TNFSF10: variants seen among roughly 807,000 people sequenced by gnomAD.
TNFSF10 encodes the protein tumor necrosis factor ligand superfamily member 10.
A neutral mutation model predicts 29.5 loss-of-function variants in TNFSF10; 13 were observed. The observed-to-expected ratio is 0.44, with a 90% CI of 0.29 to 0.70. The LOEUF (loss-of-function observed/expected upper bound fraction) is 0.70. TNFSF10 is among the 30% of genes least tolerant of loss of function. The pLI is 0.13. For synonymous variants in TNFSF10, 111 were observed against 112.8 expected (o/e 0.98, Z 0.10); for missense variants, 345 against 330.9 (o/e 1.04, Z -0.33).
chr3:172,507,796 CTTT>C, intron 4 of TNFSF10, among the ~76,000 whole-genome samples: 1 of 152,262 alleles, frequency 6.6e-6, no homozygotes, highest in African/African-American at 2.4e-5. Flanking sequence ...CCCAAACAAA[CTTT>C]TTATCTATTA....
intron 1 of TNFSF10, among the ~76,000 whole-genome samples, chr3:172,519,132 T>A (rs925042203): frequency 6.6e-6 from 1 of 152,234 alleles, no homozygotes; most frequent in Non-Finnish European, 1.5e-5. Flanking sequence ...AACCAGGCAA[T>A]ACTTTTCAAA....
In TNFSF10 at chr3:172,519,506, T is replaced by A. The variant is rs578002329; in HGVS notation, c.132+3747A>T. On this transcript the variant is annotated intron_variant, in intron 1 of 4. Transcript: ENST00000241261. Reference sequence around the variant, plus strand: ...TTAAGAAAGGTTAGGAAATTCTGGCTCCAAATTGGTGAACATAGCAGTATT... The same window carrying A: ...TTAAGAAAGGTTAGGAAATTCTGGCACCAAATTGGTGAACATAGCAGTATT... 7.2e-5 allele frequency among the ~76,000 whole-genome samples: 11 copies of A among 152,328 alleles called. No individual in the cohort carries two copies. The South Asian group carries it at 1.9e-3, about 26-fold the overall frequency.
intron 1 of TNFSF10, chr3:172,518,436 C>A (rs1158592606): frequency 1.6e-6 from 2 of 1,289,248 alleles, no homozygotes; most frequent in African/African-American, 3.0e-5. Flanking sequence ...GCTGCCCAGA[C>A]ATTAGTCTCT....
chr3:172,520,076 G>T (rs1436320435), intron 1 of TNFSF10, among the ~76,000 whole-genome samples: 1 of 152,192 alleles, frequency 6.6e-6, no homozygotes, highest in Non-Finnish European at 1.5e-5. Flanking sequence ...GTGGTGGGGG[G>T]AGGATCTGAC....
chr3:172,509,078 CA>C, intron 4 of TNFSF10, 138 bp downstream of exon 4: 1 of 552,020 alleles, frequency 1.8e-6, no homozygotes, highest in African/African-American at 1.9e-5. Context: ...TGAAAACAGT[CA>C]ATCTGAGATC....
At chr3:172,522,556 TTTTA>T in intron 1 of TNFSF10, 2 of 530,558 alleles carry the variant, frequency 3.8e-6, no homozygotes, top group Non-Finnish European at 6.8e-6. Flanking sequence ...AAATAGACTC[TTTTA>T]TTTATTCATG....
At chr3:172,521,485 T>C (rs751479258) in intron 1 of TNFSF10, among the ~76,000 whole-genome samples, 9 of 152,034 alleles carry the variant, frequency 5.9e-5, no homozygotes, top group Non-Finnish European at 1.2e-4. Flanking sequence ...GAAATGCAAA[T>C]CAAAACCATA....
At chr3:172,518,458 T>C in intron 1 of TNFSF10, 1 of 1,289,330 alleles carries the variant, frequency 7.8e-7, no homozygotes, top group Non-Finnish European at 1.0e-6. Flanking sequence ...GCAATCATTT[T>C]CTGCAAACTG....
chr3:172,510,675 G>T (rs998887621), intron 3 of TNFSF10, among the ~76,000 whole-genome samples: 4 of 151,728 alleles, frequency 2.6e-5, no homozygotes, highest in African/African-American at 9.7e-5. Flanking sequence ...GCATCTATCT[G>T]CTGTAGACCA....
At chr3:172,518,362 G>C (rs1222552174) in intron 1 of TNFSF10, 1 of 1,285,888 alleles carries the variant, frequency 7.8e-7, no homozygotes, top group Non-Finnish European at 1.0e-6. Flanking sequence ...TCCTTGATGG[G>C]GCTTGAGGTC....
chr3:172,517,659 T>C, intron 1 of TNFSF10: 1 of 985,430 alleles, frequency 1.0e-6, no homozygotes, highest in Non-Finnish European at 1.2e-6. Context: ...TGTGTGTGCA[T>C]AATTTTGAGT....
chr3:172,514,642 A>G (rs1361523967), intron 2 of TNFSF10, among the ~76,000 whole-genome samples: 1 of 151,978 alleles, frequency 6.6e-6, no homozygotes, highest in African/African-American at 2.4e-5. Flanking sequence ...AGAGGAATGA[A>G]CTCTAGACCA....
chr3:172,523,186 G>A (rs1713780053), intron 1 of TNFSF10, 67 bp downstream of exon 1: 6 of 1,497,564 alleles, frequency 4.0e-6, no homozygotes, highest in Non-Finnish European at 5.4e-6. Flanking sequence ...AAGCTGACAT[G>A]CAAAGAAGCA....
intron 2 of TNFSF10, among the ~76,000 whole-genome samples, chr3:172,513,959 C>T (rs1713332217): frequency 1.3e-5 from 2 of 152,080 alleles, no homozygotes; most frequent in Non-Finnish European, 2.9e-5. Flanking sequence ...CTGTCTCAGC[C>T]TCCCAAGTAG....
intron 2 of TNFSF10, 24 bp from the exon 3 acceptor site, chr3:172,511,683 T>A: frequency 1.2e-6 from 2 of 1,603,268 alleles, no homozygotes; most frequent in Non-Finnish European, 1.7e-6. Flanking sequence ...TGAATAAAGC[T>A]TGTTAATTTC....
At chr3:172,522,292 A>G (rs558672010) in intron 1 of TNFSF10, 1 of 734,278 alleles carries the variant, frequency 1.4e-6, no homozygotes, top group African/African-American at 1.7e-5. Flanking sequence ...TCTGAACTTC[A>G]TCCTGCTGTG....
At chr3:172,522,491 T>G (rs1713742669) in intron 1 of TNFSF10, 1 of 1,082,378 alleles carries the variant, frequency 9.2e-7, no homozygotes, top group Admixed American at 1.8e-5. Flanking sequence ...GTGCACCTTT[T>G]AAAACCTGCT....
chr3:172,509,065 A>T (rs942586414), intron 4 of TNFSF10, 152 bp downstream of exon 4: 13 of 498,612 alleles, frequency 2.6e-5, no homozygotes, highest in African/African-American at 2.6e-4. Context: ...GTAATCTTGC[A>T]TCTGAAAACA....
chr3:172,516,921 G>A (rs1426812439), intron 1 of TNFSF10, among the ~76,000 whole-genome samples: 3 of 152,202 alleles, frequency 2.0e-5, no homozygotes, highest in Non-Finnish European at 4.4e-5. Flanking sequence ...GTGGTTCCAG[G>A]AAGAGCAAAC....
Sources: allele counts gnomAD v4.1 joint callset (sites outside exome capture counted in the v4.1 genomes callset), GRCh38; gene constraint gnomAD v4.1.1; transcripts MANE v1.5; gene names NCBI Gene and HGNC (gene_info 2026-07-23, HGNC 2026-07-21).